TAFA5: variants seen among roughly 807,000 people sequenced by gnomAD.
TAFA5 encodes the protein chemokine-like protein TAFA-5.
TAFA5 carries 6 observed loss-of-function variants against 15.3 expected under a neutral mutation model. The observed-to-expected ratio is 0.39, with a 90% CI of 0.21 to 0.77. TAFA5 has a LOEUF of 0.77. Ranked by LOEUF, TAFA5 falls within the 30% of genes least tolerant of loss-of-function variation. The pLI is 0.41. For missense variants in TAFA5, 161 were observed against 193.1 expected (o/e 0.83, Z 0.98); for synonymous variants, 103 against 80.7 (o/e 1.28, Z -1.48).
At chr22:48,726,449 G>A (rs775307072) in intron 3 of TAFA5, among the ~76,000 whole-genome samples, 53 of 151,464 alleles carry the variant, frequency 3.5e-4, no homozygotes, top group African/African-American at 7.5e-4. Context: ...GTGGTAGTCT[G>A]GACGGGAGAA....
intron 2 of TAFA5, among the ~76,000 whole-genome samples, chr22:48,682,529 C>A (rs1192044460): frequency 6.6e-6 from 1 of 152,234 alleles, no homozygotes; most frequent in Non-Finnish European, 1.5e-5. Context: ...GACATCCTTA[C>A]CAGCGGTTGG....
intron 1 of TAFA5, chr22:48,544,441 C>T: frequency 2.9e-6 from 1 of 348,102 alleles, no homozygotes. Flanking sequence ...GTCAGCCCGT[C>T]CCTCGAGGTG....
intron 2 of TAFA5, among the ~76,000 whole-genome samples, chr22:48,690,985 G>C (rs1928522763): frequency 6.6e-6 from 1 of 152,198 alleles, no homozygotes; most frequent in South Asian, 2.1e-4. Flanking sequence ...CCTGGAAGCA[G>C]CTAGGTGAGC....
chr22:48,539,949 G>C (rs1922304127), intron 1 of TAFA5, among the ~76,000 whole-genome samples: 1 of 152,088 alleles, frequency 6.6e-6, no homozygotes. Context: ...GAGGAGTTTG[G>C]TTCGATTCCA....
intron 2 of TAFA5, among the ~76,000 whole-genome samples, chr22:48,655,652 C>G (rs181912023): frequency 6.6e-6 from 1 of 152,008 alleles, no homozygotes; most frequent in Non-Finnish European, 1.5e-5. Context: ...GTTTCCAACA[C>G]GTGAATTTAG....
intron 2 of TAFA5, among the ~76,000 whole-genome samples, chr22:48,689,824 C>T (rs1928482039): frequency 6.6e-6 from 1 of 152,174 alleles, no homozygotes; most frequent in Non-Finnish European, 1.5e-5. Context: ...CTTCCTTGCA[C>T]CACCCTCTTT....
At chr22:48,605,449 G>GGTGATGGTAATGATGGTGATGGTGATGA (rs1925157103) in intron 1 of TAFA5, among the ~76,000 whole-genome samples, 1 of 149,990 alleles carries the variant, frequency 6.7e-6, no homozygotes, top group South Asian at 2.1e-4. Context: ...TGGTGGTGAT[G>GGTGATGGTAATGATGGTGATGGTGATGA]GCAATGGTGA....
At position 48,490,805 on chromosome 22, in the gene TAFA5, GA is replaced by G. The variant is rs1197822191; in HGVS notation, c.112+1103del. 8.2e-6 allele frequency among the ~76,000 whole-genome samples: 1 copy of G among 121,472 alleles called. No individual in the cohort carries two copies. Among genetic ancestry groups the G allele is most frequent in the Non-Finnish European group, 1.6e-5 (1 of 60,988 alleles). 79.7% of individuals were successfully genotyped at this position (121,472 alleles called of 152,430 possible). ...AAAAAAAAAAAAAAAGGCCAGCACCGAACCTCCCTCCACAGACACCACCTCC... is the reference window on the plus strand; with the variant it reads ...AAAAAAAAAAAAAAAGGCCAGCACCGACCTCCCTCCACAGACACCACCTCC... On this transcript the variant is annotated intron_variant, in intron 1 of 3. Transcript: ENST00000402357. This position sits in a 1 kb window ranked among gnomAD's most constrained non-coding sequence, Gnocchi z 5.8.
At chr22:48,496,523 C>T (rs982462014) in intron 1 of TAFA5, among the ~76,000 whole-genome samples, 2 of 152,204 alleles carry the variant, frequency 1.3e-5, no homozygotes, top group Non-Finnish European at 2.9e-5. Context: ...GATGTCAACC[C>T]TGCAGGCAGA....
chr22:48,691,069 G>A (rs1928526069), intron 2 of TAFA5, among the ~76,000 whole-genome samples: 1 of 152,226 alleles, frequency 6.6e-6, no homozygotes, highest in African/African-American at 2.4e-5. Context: ...AAAGCAGGAA[G>A]CACGAAGCCA....
chr22:48,669,909 C>A (rs145689064), intron 2 of TAFA5, among the ~76,000 whole-genome samples: 122 of 152,366 alleles, frequency 8.0e-4, no homozygotes, highest in Middle Eastern at 3.4e-3. Flanking sequence ...TGCTGCCTCC[C>A]GCCTGAGCTG....
chr22:48,617,863 A>G (rs1279367787), intron 1 of TAFA5, among the ~76,000 whole-genome samples: 2 of 151,896 alleles, frequency 1.3e-5, no homozygotes, highest in Non-Finnish European at 2.9e-5. Context: ...ACAAGCACAT[A>G]TGGGTCCAGC....
chr22:48,699,222 C>A (rs538307526), intron 2 of TAFA5, among the ~76,000 whole-genome samples: 1 of 152,140 alleles, frequency 6.6e-6, no homozygotes, highest in Non-Finnish European at 1.5e-5. Flanking sequence ...CGTGAGCCAC[C>A]GTGCCCTGCT....
intron 1 of TAFA5, among the ~76,000 whole-genome samples, chr22:48,583,858 C>T: frequency 6.7e-6 from 1 of 149,908 alleles, no homozygotes. Context: ...AAAAAATACA[C>T]CACACACACA....
chr22:48,523,966 A>G (rs890643772), intron 1 of TAFA5, among the ~76,000 whole-genome samples: 1 of 152,170 alleles, frequency 6.6e-6, no homozygotes, highest in Non-Finnish European at 1.5e-5. Flanking sequence ...AGGTGCCCAC[A>G]GCTACCACCG....
chr22:48,638,549 A>G (rs1292226500), intron 1 of TAFA5, among the ~76,000 whole-genome samples: 27 of 118,274 alleles, frequency 2.3e-4, no homozygotes, highest in Middle Eastern at 0.011. Context: ...CTGGGACACC[A>G]CACACAGGCG....
chr22:48,667,465 T>A (rs1487113871), intron 2 of TAFA5, among the ~76,000 whole-genome samples: 1 of 152,176 alleles, frequency 6.6e-6, no homozygotes, highest in Non-Finnish European at 1.5e-5. Context: ...TTTGCAGTCT[T>A]ATCGGTTCTG....
intron 1 of TAFA5, among the ~76,000 whole-genome samples, chr22:48,577,172 C>G (rs1923843250): frequency 6.6e-6 from 1 of 152,262 alleles, no homozygotes; most frequent in African/African-American, 2.4e-5. Flanking sequence ...CTTTGCTGGA[C>G]TGCAGGGCAG....
intron 2 of TAFA5, among the ~76,000 whole-genome samples, chr22:48,676,028 G>C (rs1927961478): frequency 6.6e-6 from 1 of 152,270 alleles, no homozygotes; most frequent in Non-Finnish European, 1.5e-5. Context: ...GGTGGGGCAG[G>C]CAGTGGGCCT....
Sources: allele counts gnomAD v4.1 joint callset (sites outside exome capture counted in the v4.1 genomes callset), GRCh38; gene constraint gnomAD v4.1.1; non-coding constraint Gnocchi (gnomAD v3.1); transcripts MANE v1.5; gene names NCBI Gene and HGNC (gene_info 2026-07-23, HGNC 2026-07-21).